INPP4B: variants seen among roughly 807,000 people sequenced by gnomAD.
INPP4B encodes the protein inositol polyphosphate 4-phosphatase type II.
In INPP4B, 55 loss-of-function variants were observed where a neutral mutation model predicts 122.5. That is an observed-to-expected ratio of 0.45 (90% CI 0.36 to 0.56). The LOEUF is 0.56. INPP4B is among the 20% of genes least tolerant of loss of function. INPP4B has a pLI of 0.00. For synonymous variants in INPP4B, 403 were observed against 388.7 expected (o/e 1.04, Z -0.43); for missense variants, 1,000 against 1,097.7 (o/e 0.91, Z 1.26).
chr4:142,064,716 C>T (rs959832319), intron 25 of INPP4B, among the ~76,000 whole-genome samples: 5 of 151,854 alleles, frequency 3.3e-5, no homozygotes, highest in East Asian at 1.9e-4. Context: ...TAGAAAAAAT[C>T]TTTAGCACAA....
chr4:142,608,366 A>G (rs1741747354), intron 2 of INPP4B, among the ~76,000 whole-genome samples: 1 of 152,182 alleles, frequency 6.6e-6, no homozygotes, highest in Non-Finnish European at 1.5e-5. Context: ...AAAATGTATT[A>G]AAAACAAACA....
chr4:142,556,053 T>G (rs1729102471), intron 2 of INPP4B, among the ~76,000 whole-genome samples: 5 of 152,002 alleles, frequency 3.3e-5, no homozygotes, highest in African/African-American at 1.2e-4. Flanking sequence ...TGGGATAAAT[T>G]TCAACCTTTT....
chr4:142,650,995 A>G (rs1295245365), intron 2 of INPP4B, among the ~76,000 whole-genome samples: 1 of 152,158 alleles, frequency 6.6e-6, no homozygotes, highest in African/African-American at 2.4e-5. Flanking sequence ...GGCAAATGCA[A>G]ATGAACAGAA....
chr4:142,297,247 G>T (rs1759150597), intron 9 of INPP4B, among the ~76,000 whole-genome samples: 1 of 152,192 alleles, frequency 6.6e-6, no homozygotes, highest in African/African-American at 2.4e-5. Context: ...TATGATGCCA[G>T]AGTGATTAAA....
chr4:142,499,321 A>G (rs1823054396), intron 2 of INPP4B, among the ~76,000 whole-genome samples: 1 of 152,184 alleles, frequency 6.6e-6, no homozygotes, highest in Non-Finnish European at 1.5e-5. Flanking sequence ...GGCCTCAATC[A>G]TGTAAAATGA....
chr4:142,305,919 C>T, intron 8 of INPP4B: 1 of 1,030,890 alleles, frequency 9.7e-7, no homozygotes, highest in Non-Finnish European at 1.2e-6. Flanking sequence ...AAATCACTGG[C>T]AGCAACAACT....
intron 9 of INPP4B, among the ~76,000 whole-genome samples, chr4:142,282,269 A>G (rs1751544514): frequency 6.6e-6 from 1 of 152,118 alleles, no homozygotes; most frequent in South Asian, 2.1e-4. Flanking sequence ...GATGATCCCA[A>G]AGCCTTGAAG....
Position 142,584,967 on chromosome 4 carries a change from T to G in INPP4B, c.-190-122241A>C, listed in dbSNP as rs573791685. Among the ~76,000 whole-genome samples the G allele has an allele frequency of 2.0e-5, 3 of 152,318 alleles. No homozygotes were observed. The East Asian group carries it at 5.8e-4, about 29-fold the overall frequency. On this transcript the variant is annotated intron_variant, in intron 2 of 25. Transcript: ENST00000262992. Reference sequence around the variant, plus strand: ...AAACTTTGAGTTATAAGCCAATTACTTCATTTTGTTGCTAAAATTCTTCCA... The same window carrying G: ...AAACTTTGAGTTATAAGCCAATTACGTCATTTTGTTGCTAAAATTCTTCCA...
Position 142,427,380 on chromosome 4 carries a change from A to T in INPP4B, c.136+1793T>A, listed in dbSNP as rs1445493899. The T allele has an allele frequency of 1.3e-5, 6 of 473,024 alleles. No homozygotes were observed. In the East Asian group the frequency reaches 1.4e-4, roughly 11 times the overall value. The allele number at this position is 473,024 out of a possible 1,614,324, so 29.3% of individuals were successfully genotyped here. A position where few individuals can be genotyped will look rare whatever the true frequency, so the allele number is the denominator to read the frequency against. ...TTGTTGTTTCTTAGTATATTTTAAA[A>T]ATATATATAAAAAAAGAAATTGAAG... On this transcript the variant is annotated intron_variant, in intron 5 of 25. Transcript: ENST00000262992.
chr4:142,532,546 T>C (rs1011128837), intron 2 of INPP4B, among the ~76,000 whole-genome samples: 1 of 152,156 alleles, frequency 6.6e-6, no homozygotes, highest in Non-Finnish European at 1.5e-5. Context: ...ATCTGTGTGA[T>C]TATTTGAGTA....
intron 5 of INPP4B, among the ~76,000 whole-genome samples, chr4:142,422,338 G>A (rs1222631886): frequency 5.3e-5 from 8 of 152,032 alleles, no homozygotes; most frequent in Admixed American, 4.6e-4. Context: ...TAGAGTTGTG[G>A]TGAGAAATTC....
intron 18 of INPP4B, among the ~76,000 whole-genome samples, chr4:142,132,885 T>C (rs1046182764): frequency 6.6e-6 from 1 of 152,224 alleles, no homozygotes; most frequent in Non-Finnish European, 1.5e-5. Context: ...AAGAGTTGTC[T>C]ATACAGGTTG....
At chr4:142,259,917 G>T (rs1738908654) in intron 11 of INPP4B, among the ~76,000 whole-genome samples, 1 of 152,136 alleles carries the variant, frequency 6.6e-6, no homozygotes, top group South Asian at 2.1e-4. Flanking sequence ...GTTATAATCT[G>T]ATAAGACCAC....
chr4:142,207,159 C>T (rs1442476857), intron 14 of INPP4B, among the ~76,000 whole-genome samples: 3 of 152,072 alleles, frequency 2.0e-5, no homozygotes, highest in Non-Finnish European at 4.4e-5. Context: ...GAATAATAAT[C>T]CAATCTTTGT....
At chr4:142,572,406 G>C (rs1425523) in intron 2 of INPP4B, among the ~76,000 whole-genome samples, 1 of 152,048 alleles carries the variant, frequency 6.6e-6, no homozygotes, top group African/African-American at 2.4e-5. Flanking sequence ...CTGGTGTAGT[G>C]GTCTCTTAAG....
At chr4:142,495,052 C>T (rs1238881929) in intron 2 of INPP4B, among the ~76,000 whole-genome samples, 1 of 151,968 alleles carries the variant, frequency 6.6e-6, no homozygotes, top group Non-Finnish European at 1.5e-5. Context: ...TTTTAAGGAT[C>T]GAAGAAATCT....
intron 2 of INPP4B, among the ~76,000 whole-genome samples, chr4:142,685,594 A>G (rs1382167653): frequency 1.3e-5 from 2 of 152,042 alleles, no homozygotes; most frequent in African/African-American, 2.4e-5. Flanking sequence ...TATACTTGGT[A>G]TAAATTTAAA....
intron 23 of INPP4B, among the ~76,000 whole-genome samples, chr4:142,104,522 A>C (rs1786031613): frequency 6.6e-6 from 1 of 152,160 alleles, no homozygotes; most frequent in African/African-American, 2.4e-5. Context: ...GAGGGGAAGT[A>C]ACTTCTGAAG....
At chr4:142,429,458 C>T (rs577311549) in intron 4 of INPP4B, among the ~76,000 whole-genome samples, 1 of 151,924 alleles carries the variant, frequency 6.6e-6, no homozygotes, top group Non-Finnish European at 1.5e-5. Flanking sequence ...TATAAAGAAA[C>T]CAAGAAATGT....
Sources: allele counts gnomAD v4.1 joint callset (sites outside exome capture counted in the v4.1 genomes callset), GRCh38; gene constraint gnomAD v4.1.1; transcripts MANE v1.5; gene names NCBI Gene and HGNC (gene_info 2026-07-23, HGNC 2026-07-21).